The following RBFOX1 variants were observed in gnomAD, a reference collection of about 807,000 sequenced individuals.
RBFOX1 encodes RNA binding fox-1 homolog 1, also known as RNA binding protein fox-1 homolog 1.
A neutral mutation model predicts 57.7 loss-of-function variants in RBFOX1; 8 were observed. The observed-to-expected ratio is 0.14, with a 90% CI of 0.08 to 0.25. The LOEUF is 0.25. Among genes scored for constraint, RBFOX1 ranks in the 10% least tolerant of loss-of-function variants. RBFOX1 has a pLI of 1.00. For synonymous variants in RBFOX1, 326 were observed against 222.4 expected, an observed-to-expected ratio of 1.47 and a Z score of -4.15; for missense variants, 611 against 548.5, an observed-to-expected ratio of 1.11 and a Z score of -1.14.
intron 1 of RBFOX1, among the ~76,000 whole-genome samples, chr16:5,373,902 C>G (rs192639675): frequency 6.6e-6 from 1 of 152,108 alleles, no homozygotes; most frequent in African/African-American, 2.4e-5. Flanking sequence ...CTGTGCCCAG[C>G]CAAACTTCTT....
chr16:7,080,542 G>C (rs2059030192), intron 4 of RBFOX1, among the ~76,000 whole-genome samples: 2 of 152,096 alleles, frequency 1.3e-5, no homozygotes, highest in African/African-American at 2.4e-5. Flanking sequence ...CATCCCTGTA[G>C]TCACTTAAGC....
intron 3 of RBFOX1, among the ~76,000 whole-genome samples, chr16:6,773,218 T>A (rs1328889471): frequency 6.9e-6 from 1 of 144,926 alleles, no homozygotes; most frequent in Non-Finnish European, 1.5e-5. Context: ...TGAGTGTATG[T>A]GTGGGTGTGG....
rs146462303 is a variant in RBFOX1, at chr16:7,222,139, T to G, written c.27+170041T>G. On this transcript the variant is annotated intron_variant, in intron 4 of 15. Transcript: ENST00000550418. ...GTGAGGATTTCAGCTAAAAAAAGATTCGTTGTTTCAAAAGCCCAGCCTGAA... is the reference window on the plus strand; with the variant it reads ...GTGAGGATTTCAGCTAAAAAAAGATGCGTTGTTTCAAAAGCCCAGCCTGAA... Among the ~76,000 whole-genome samples, 747 of 152,276 alleles carry G rather than the reference T, an allele frequency of 4.9e-3. 4 individuals carry two copies. The highest frequency in any genetic ancestry group is 0.016 in the African/African-American group (682 of 41,574).
intron 2 of RBFOX1, among the ~76,000 whole-genome samples, chr16:6,527,475 A>T (rs34724892): frequency 0.03 from 4,521 of 152,256 alleles, 109 homozygotes; most frequent in Non-Finnish European, 0.047. Flanking sequence ...ACACGTGGAT[A>T]AATATTCAAG....
chr16:6,153,795 C>G (rs928493185), intron 1 of RBFOX1, among the ~76,000 whole-genome samples: 2 of 152,216 alleles, frequency 1.3e-5, no homozygotes, highest in African/African-American at 2.4e-5. Context: ...CTCTTCCTCC[C>G]AAAGTGCTGG....
intron 4 of RBFOX1, among the ~76,000 whole-genome samples, chr16:5,948,929 G>T (rs1057106791): frequency 2.0e-5 from 3 of 152,166 alleles, no homozygotes. Context: ...CACAACAACA[G>T]ATGTTTCAAT....
intron 2 of RBFOX1, among the ~76,000 whole-genome samples, chr16:6,595,687 G>A (rs1490515653): frequency 1.3e-5 from 2 of 152,016 alleles, no homozygotes; most frequent in Non-Finnish European, 2.9e-5. Flanking sequence ...AATGTCTCTG[G>A]CTTCCCTTTT....
chr16:6,039,009 C>CAAAAAAAAAAAAAAAAAA (rs754708262), intron 1 of RBFOX1: 1 of 47,754 alleles, frequency 2.1e-5, no homozygotes, highest in Non-Finnish European at 4.0e-5. Context: ...TGCTGGTTTG[C>CAAAAAAAAAAAAAAAAAA]AAAAAAAAAA....
rs144266030 is a variant in RBFOX1 at position 7,139,168 on chromosome 16, A to ATCTCTCTCTCTC, written c.27+87079_27+87080insCTCTCTCTCTCT. Among the ~76,000 whole-genome samples the ATCTCTCTCTCTC allele has an allele frequency of 1.1e-3, 156 of 139,498 alleles. 1 individual carries two copies. The highest frequency in any genetic ancestry group is 4.2e-3 in the African/African-American group (154 of 36,754). The allele number at this position is 139,498 out of a possible 152,430, so 91.5% of individuals were successfully genotyped here. A position where few individuals can be genotyped will look rare whatever the true frequency, so the allele number is the denominator to read the frequency against. On this transcript the variant is annotated intron_variant, in intron 4 of 15. Coordinates refer to ENST00000550418, the MANE Select transcript of RBFOX1 (RefSeq NM_018723.4). ...CTCTTTTATAATGCAGATGAAATCA[A>ATCTCTCTCTCTC]TCTCTCTCTGTGTGTGTGTGTGTGT... is the stretch of plus-strand genomic sequence containing the variant.
At chr16:7,168,566 G>C (rs187061534) in intron 4 of RBFOX1, among the ~76,000 whole-genome samples, 1 of 151,996 alleles carries the variant, frequency 6.6e-6, no homozygotes, top group African/African-American at 2.4e-5. Context: ...ACACACAGAA[G>C]AAAGAAGTTA....
At chr16:6,536,910 T>C (rs374922328) in intron 2 of RBFOX1, among the ~76,000 whole-genome samples, 5 of 152,334 alleles carry the variant, frequency 3.3e-5, no homozygotes, top group South Asian at 2.1e-4. Context: ...ATATGACATA[T>C]CTAAATTATG....
chr16:6,045,098 T>C (rs1429464353), intron 1 of RBFOX1, among the ~76,000 whole-genome samples: 1 of 152,228 alleles, frequency 6.6e-6, no homozygotes, highest in Non-Finnish European at 1.5e-5. Flanking sequence ...CCAACGGAAC[T>C]AAAGCAGGGC....
chr16:6,130,626 C>G (rs149331816), intron 1 of RBFOX1, among the ~76,000 whole-genome samples: 6 of 152,116 alleles, frequency 3.9e-5, no homozygotes, highest in African/African-American at 1.4e-4. Flanking sequence ...TTGCTGACTA[C>G]AAGAGACTCG....
chr16:5,898,086 G>T (rs1220673585), intron 4 of RBFOX1, among the ~76,000 whole-genome samples: 2 of 152,086 alleles, frequency 1.3e-5, no homozygotes, highest in Non-Finnish European at 2.9e-5. Flanking sequence ...AATCATGGTG[G>T]AAGGGGCAGC....
chr16:5,250,264 T>C (rs557232804), intron 1 of RBFOX1, among the ~76,000 whole-genome samples: 1 of 152,258 alleles, frequency 6.6e-6, no homozygotes, highest in Non-Finnish European at 1.5e-5. Flanking sequence ...TCTTTTTCTT[T>C]TCTTTTTATT....
At chr16:7,703,616 A>G (rs1338069188) in intron 14 of RBFOX1, among the ~76,000 whole-genome samples, 7 of 152,216 alleles carry the variant, frequency 4.6e-5, no homozygotes, top group East Asian at 1.9e-4. Flanking sequence ...TGGAGTACCA[A>G]CATGGGCCCA....
chr16:6,472,685 G>A (rs908273220), intron 2 of RBFOX1, among the ~76,000 whole-genome samples: 16 of 150,606 alleles, frequency 1.1e-4, no homozygotes, highest in African/African-American at 1.7e-4. Context: ...GTGCAGTGGC[G>A]CAATCTTGGC....
At chr16:5,864,035 G>A (rs577287573) in intron 3 of RBFOX1, among the ~76,000 whole-genome samples, 6 of 151,906 alleles carry the variant, frequency 3.9e-5, no homozygotes, top group African/African-American at 7.3e-5. Flanking sequence ...ATTATTTTTC[G>A]TGATCCTCCC....
intron 4 of RBFOX1, among the ~76,000 whole-genome samples, chr16:7,505,264 C>G (rs963235650): frequency 6.9e-6 from 1 of 145,264 alleles, no homozygotes; most frequent in African/African-American, 2.6e-5. Flanking sequence ...AAAAAGGAAA[C>G]CAGACAAGGT....
Sources: gnomAD v4.1 joint callset for allele counts (sites outside exome capture counted in the v4.1 genomes callset) on GRCh38, gnomAD v4.1.1 for gene constraint, MANE v1.5 for transcripts, NCBI Gene and HGNC (gene_info 2026-07-23, HGNC 2026-07-21) for gene names.